Variants in ZNF12 observed in about 807,000 individuals in gnomAD.
ZNF12 encodes the protein gonadotropin inducible transcription repressor 3.
ZNF12 carries 34 observed loss-of-function variants against 66.6 expected under a neutral mutation model. The observed-to-expected ratio is 0.51, with a 90% CI of 0.39 to 0.68. The LOEUF (loss-of-function observed/expected upper bound fraction) is 0.68, where lower values mean the gene tolerates loss of function less well. Ranked by LOEUF, ZNF12 falls within the 30% of genes least tolerant of loss-of-function variation. The pLI is 0.00. For synonymous variants in ZNF12, 320 were observed against 278.9 expected, an observed-to-expected ratio of 1.15 and a Z score of -1.47; for missense variants, 697 against 826.9, an observed-to-expected ratio of 0.84 and a Z score of 1.93.
At position 6,692,123 on chromosome 7, in the gene ZNF12, T is replaced by C. The variant is rs531583111; in HGVS notation, c.819A>G (p.Glu273=). The part of the protein sequence containing the change: ...HMEMKPYECS[E]CGKSFCKKSK... The stretch of plus-strand genomic sequence containing the variant: ...ACTTTTTACAGAAGGATTTCCCACA[T>C]TCACTGCATTCATAGGGCTTCATTT... Residue 273 remains glutamate (E), a synonymous_variant, in exon 5 of 5, where the codon GAA becomes GAG. Coordinates refer to ENST00000405858, the MANE Select transcript of ZNF12 (RefSeq NM_016265.4). This position sits in a 1 kb window ranked among gnomAD's most constrained non-coding sequence, Gnocchi z 5.1. The C allele has an allele frequency of 3.7e-6, 6 of 1,614,102 alleles. No homozygotes were observed. The South Asian group carries it at 6.6e-5, about 18-fold the overall frequency.
chr7:6,706,623 T>A lies in ZNF12; in HGVS notation c.-242A>T. ...GTCCCTCCCGGAGCCCAGATCCGTC[T>A]CCCTGGGGCTCACCGTCCTGCGGAG... On this transcript the variant is annotated 5_prime_UTR_variant, in exon 1 of 5. Transcript: ENST00000405858. 1 of 441,612 alleles carries A rather than the reference T, an allele frequency of 2.3e-6. No homozygotes were observed. Among genetic ancestry groups the A allele is most frequent in the South Asian group, 1.6e-5 (1 of 63,458 alleles). 27.4% of individuals were successfully genotyped at this position (441,612 alleles called of 1,614,324 possible).
chr7:6,698,022 A>C lies in ZNF12; in HGVS notation c.16-211T>G. On this transcript the variant is annotated intron_variant, in intron 2 of 4. Transcript: ENST00000405858. The surrounding 1 kb of genome is among the most constrained non-coding windows in gnomAD (Gnocchi z 4.4). ...AAAAAACAAAAAACAAAAAAACAAC[A>C]CTGGGATTGCACGGTGAGCCAGAAA... 1 of 749,608 alleles carries C rather than the reference A, an allele frequency of 1.3e-6. No individual in the cohort carries two copies. The highest frequency in any genetic ancestry group is 2.4e-6 in the Non-Finnish European group (1 of 413,520). The allele number at this position is 749,608 out of a possible 1,614,324, so 46.4% of individuals were successfully genotyped here.
chr7:6,698,173 T>G lies in ZNF12; in HGVS notation c.16-362A>C, dbSNP rs767411289. 9.1e-5 allele frequency: 40 copies of G among 437,188 alleles called. No homozygotes were observed. Among genetic ancestry groups the G allele is most frequent in the Admixed American group, 3.5e-4 (12 of 34,218 alleles). 27.1% of individuals were successfully genotyped at this position (437,188 alleles called of 1,614,324 possible). On this transcript the variant is annotated intron_variant, in intron 2 of 4. Coordinates refer to ENST00000405858, the MANE Select transcript of ZNF12 (RefSeq NM_016265.4). This position sits in a 1 kb window ranked among gnomAD's most constrained non-coding sequence, Gnocchi z 4.4. ...CTTCTTTGCACATTCTTCAATTTGC[T>G]TCTAGAACATTAATAATGTTGGTTC...
At position 6,695,427 on chromosome 7, in the gene ZNF12, C is replaced by T. The variant is rs1441042764; in HGVS notation, c.238+1912G>A. On this transcript the variant is annotated intron_variant, in intron 4 of 4. Transcript: ENST00000405858. ...GTAGAGACAGGGTTTCACTATGTTACCCAGGCTGGTTGCAAGCAATCCTCC... is the reference window on the plus strand; with the variant it reads ...GTAGAGACAGGGTTTCACTATGTTATCCAGGCTGGTTGCAAGCAATCCTCC... 2.0e-5 allele frequency among the ~76,000 whole-genome samples: 3 copies of T among 151,854 alleles called. No homozygotes were observed. The East Asian group carries it at 5.8e-4, about 29-fold the overall frequency.
chr7:6,697,281 A>C lies in ZNF12; in HGVS notation c.238+58T>G, dbSNP rs1780168026. ...TTCTAAAGGTTCGGGACCATTAAAA[A>C]ATCCCTGGGAAAAACACTCCCAAGT... On this transcript the variant is annotated intron_variant, in intron 4 of 4. Coordinates refer to ENST00000405858, the MANE Select transcript of ZNF12 (RefSeq NM_016265.4). The surrounding 1 kb of genome is among the most constrained non-coding windows in gnomAD (Gnocchi z 6.1). The C allele has an allele frequency of 7.2e-7, 1 of 1,382,726 alleles. No individual in the cohort carries two copies. Among genetic ancestry groups the C allele is most frequent in the African/African-American group, 1.4e-5 (1 of 69,602 alleles). The allele number at this position is 1,382,726 out of a possible 1,614,324, so 85.7% of individuals were successfully genotyped here. A position where few individuals can be genotyped will look rare whatever the true frequency, so the allele number is the denominator to read the frequency against.
chr7:6,690,986 A>G lies in ZNF12; in HGVS notation c.1956T>C (p.Tyr652=), dbSNP rs200082779. The change falls in exon 5 of 5, where the codon TAT becomes TAC. Residue 652 remains tyrosine, a synonymous_variant. Transcript: ENST00000405858. ...AGGGTTTCTCTCCTGAATGAGTTCT[A>G]TAATGTACAGTGAGGTATGACATCC... ...FSRMSYLTVH[Y]RTHSGEKPYE... 1.3e-5 allele frequency: 21 copies of G among 1,614,126 alleles called. No homozygotes were observed. The highest frequency in any genetic ancestry group is 3.3e-5 in the Admixed American group (2 of 60,030).
In ZNF12 at chr7:6,691,675, T is replaced by G; in HGVS notation, c.1267A>C (p.Thr423Pro). ...ECGKCFCRKS[T>P]LTTHLRTHTG... ...TGGGTCCTCAGGTGGGTCGTGAGAG[T>G]AGACTTGCGGCAGAAGCATTTCCCA... is the stretch of plus-strand genomic sequence containing the variant. Residue 423 changes from threonine to proline, a missense_variant, in exon 5 of 5, where the codon ACT becomes CCT. Around this residue, in one of 3 missense-constraint regions of ZNF12, gnomAD observed 401 missense variants for 519.0 expected, o/e 0.77. Transcript: ENST00000405858. 2 of 1,613,580 alleles carry G rather than the reference T, an allele frequency of 1.2e-6. No individual in the cohort carries two copies. Among genetic ancestry groups the G allele is most frequent in the Non-Finnish European group, 1.7e-6 (2 of 1,179,802 alleles).
chr7:6,703,241 T>C (rs929278451), intron 2 of ZNF12, among the ~76,000 whole-genome samples: 1 of 152,214 alleles, frequency 6.6e-6, no homozygotes, highest in Non-Finnish European at 1.5e-5. Flanking sequence ...GCAAGTGCTT[T>C]TCCCATGGGG....
chr7:6,693,938 C>T (rs1026170511), intron 4 of ZNF12, among the ~76,000 whole-genome samples: 10 of 152,054 alleles, frequency 6.6e-5, no homozygotes, highest in African/African-American at 1.9e-4. Flanking sequence ...GAGGCTGAGG[C>T]GGGCGGATCA....
In ZNF12 at chr7:6,690,981, G is replaced by C. The variant is rs865774627; in HGVS notation, c.1961C>G (p.Thr654Ser). Reference protein sequence around the residue: ...RMSYLTVHYRTHSGEKPYECT... With the variant: ...RMSYLTVHYRSHSGEKPYECT... ...CTCATAGGGTTTCTCTCCTGAATGA[G>C]TTCTATAATGTACAGTGAGGTATGA... Residue 654 changes from threonine to serine, a missense_variant, in exon 5 of 5, where the codon ACT (threonine) becomes AGT (serine). By Grantham distance (58) the Thr-to-Ser change is moderately conservative. Around this residue, in one of 3 missense-constraint regions of ZNF12, gnomAD observed 401 missense variants for 519.0 expected, o/e 0.77. Transcript: ENST00000405858. 6.2e-7 allele frequency: 1 copy of C among 1,614,002 alleles called. No homozygotes were observed. Among genetic ancestry groups the C allele is most frequent in the Middle Eastern group, 1.6e-4 (1 of 6,062 alleles).
In ZNF12 at chr7:6,692,589, C is replaced by A; in HGVS notation, c.353G>T (p.Gly118Val). The change falls in exon 5 of 5, where the codon GGT (glycine) becomes GTT (valine). Residue 118 changes from glycine to valine, a missense_variant. Physicochemically the swap from Gly to Val is moderately radical, Grantham distance 109. This residue lies in a region of ZNF12 where 241 missense variants were observed against 224.0 expected (regional missense o/e 1.08). Coordinates refer to ENST00000405858, the MANE Select transcript of ZNF12 (RefSeq NM_016265.4). The surrounding 1 kb of genome is among the most constrained non-coding windows in gnomAD (Gnocchi z 5.1). ...GTTCGTTTCTACATCAAAAGTTTTA[C>A]CAGGAACATTACCTCTCTCTTCAAT... Reference protein sequence around the residue: ...TLIEERGNVPGKTFDVETNPV... With the variant: ...TLIEERGNVPVKTFDVETNPV... The A allele has an allele frequency of 6.2e-7, 1 of 1,613,834 alleles. No homozygotes were observed. Among genetic ancestry groups the A allele is most frequent in the Non-Finnish European group, 8.5e-7 (1 of 1,179,826 alleles).
rs1780365338 is a variant in ZNF12, at chr7:6,706,715, G to T, written c.-334C>A. 4.0e-6 allele frequency: 1 copy of T among 249,600 alleles called. No individual in the cohort carries two copies. 15.5% of individuals were successfully genotyped at this position (249,600 alleles called of 1,614,324 possible). On this transcript the variant is annotated 5_prime_UTR_variant, in exon 1 of 5. Transcript: ENST00000405858. Reference sequence around the variant, plus strand: ...GTCCCGCCGCCCCTTCGCCTCCGCCGTCGTCACCGCCCGGCCGGCCCCTTG... The same window carrying T: ...GTCCCGCCGCCCCTTCGCCTCCGCCTTCGTCACCGCCCGGCCGGCCCCTTG...
intron 4 of ZNF12, among the ~76,000 whole-genome samples, chr7:6,695,898 A>G (rs376267843): frequency 2.0e-5 from 3 of 152,374 alleles, no homozygotes; most frequent in African/African-American, 7.2e-5. Flanking sequence ...GTAAAGCTGT[A>G]GGGACAATAG....
Position 6,697,924 on chromosome 7 carries a change from G to C in ZNF12, c.16-113C>G, listed in dbSNP as rs775971902. 8.5e-7 allele frequency: 1 copy of C among 1,172,066 alleles called. No homozygotes were observed. The highest frequency in any genetic ancestry group is 1.2e-5 in the South Asian group (1 of 82,002). 72.6% of individuals were successfully genotyped at this position (1,172,066 alleles called of 1,614,324 possible). On this transcript the variant is annotated intron_variant, in intron 2 of 4. Coordinates refer to ENST00000405858, the MANE Select transcript of ZNF12 (RefSeq NM_016265.4). This position sits in a 1 kb window ranked among gnomAD's most constrained non-coding sequence, Gnocchi z 6.1. Reference sequence around the variant, plus strand: ...TGAACACTGTATACCTTTATTTTATGTTACAGACTGTCAAAGGGAAACAAA... The same window carrying C: ...TGAACACTGTATACCTTTATTTTATCTTACAGACTGTCAAAGGGAAACAAA...
At chr7:6,699,141 T>C (rs187038659) in intron 2 of ZNF12, among the ~76,000 whole-genome samples, 88 of 152,288 alleles carry the variant, frequency 5.8e-4, no homozygotes, top group African/African-American at 2.1e-3. Context: ...GTCTGTGTGT[T>C]AAGAACAAAG....
At position 6,706,917 on chromosome 7, in the gene ZNF12, G is replaced by T. The variant is rs757060310; in HGVS notation, c.-536C>A. ...AAGCCTGGGAACTAGGGCGAGCGGT[G>T]ACCTGGGGACGCACAGGAAGCGAGG... On this transcript the variant is annotated 5_prime_UTR_variant, in exon 1 of 5. Transcript: ENST00000405858. 2.4e-6 allele frequency: 1 copy of T among 413,620 alleles called. No individual in the cohort carries two copies. The highest frequency in any genetic ancestry group is 4.8e-6 in the Non-Finnish European group (1 of 208,174). The allele number at this position is 413,620 out of a possible 1,614,324, so 25.6% of individuals were successfully genotyped here. A position where few individuals can be genotyped will look rare whatever the true frequency, so the allele number is the denominator to read the frequency against.
intron 4 of ZNF12, among the ~76,000 whole-genome samples, chr7:6,693,451 T>G (rs1198723193): frequency 6.6e-6 from 1 of 152,256 alleles, no homozygotes; most frequent in Non-Finnish European, 1.5e-5. Flanking sequence ...CTTGTGAGGA[T>G]AGCGATGAGA....
Position 6,691,133 on chromosome 7 carries a change from T to C in ZNF12, c.1809A>G (p.Lys603=). ...NRHQRTHTGE[K]AYECYECGKC... ...TCCCACATTCATAACATTCGTAGGC[T>C]TTCTCTCCTGTGTGTGTTCTCTGAT... The change falls in exon 5 of 5, where the codon AAA becomes AAG. Residue 603 remains lysine (K), a synonymous_variant. Coordinates refer to ENST00000405858, the MANE Select transcript of ZNF12 (RefSeq NM_016265.4). The C allele has an allele frequency of 1.9e-6, 3 of 1,614,104 alleles. No homozygotes were observed. Among genetic ancestry groups the C allele is most frequent in the Non-Finnish European group, 2.5e-6 (3 of 1,179,982 alleles).
chr7:6,703,104 C>G (rs59418261), intron 2 of ZNF12, among the ~76,000 whole-genome samples: 1 of 151,920 alleles, frequency 6.6e-6, no homozygotes, highest in Non-Finnish European at 1.5e-5. Context: ...CACTGCATAC[C>G]AACACAGCCC....
Sources: allele counts gnomAD v4.1 joint callset (sites outside exome capture counted in the v4.1 genomes callset), GRCh38; gene constraint gnomAD v4.1.1; regional missense constraint gnomAD v4.1.1; non-coding constraint Gnocchi (gnomAD v3.1); transcripts MANE v1.5; gene names NCBI Gene and HGNC (gene_info 2026-07-23, HGNC 2026-07-21).